Variants in ADCY9 observed in about 807,000 individuals in gnomAD.
ADCY9 encodes the protein adenylate cyclase 9.
ADCY9 carries 50 observed loss-of-function variants against 101.5 expected under a neutral mutation model. The ratio of observed to expected loss-of-function variants is 0.49; its 90% CI spans 0.39 to 0.62. The LOEUF (loss-of-function observed/expected upper bound fraction) is 0.62. ADCY9 is among the 20% of genes least tolerant of loss of function. ADCY9 has a pLI of 0.00. For missense variants in ADCY9, 1,662 were observed against 1,800.4 expected (o/e 0.92, Z 1.39); for synonymous variants, 905 against 769.3 (o/e 1.18, Z -2.92).
downstream of ADCY9, among the ~76,000 whole-genome samples, chr16:3,961,313 G>C (rs1372003996): frequency 6.6e-6 from 1 of 152,042 alleles, no homozygotes; most frequent in Non-Finnish European, 1.5e-5. Flanking sequence ...GCTGGGCATG[G>C]TGTTGCGCAC....
intron 2 of ADCY9, among the ~76,000 whole-genome samples, chr16:4,072,626 A>T (rs2141170765): frequency 6.6e-6 from 1 of 152,352 alleles, no homozygotes; most frequent in South Asian, 2.1e-4. Context: ...GAAAAAAGAA[A>T]ATGCTTGAAG....
intron 2 of ADCY9, among the ~76,000 whole-genome samples, chr16:4,066,093 A>G (rs1371505685): frequency 1.3e-5 from 2 of 152,184 alleles, no homozygotes; most frequent in African/African-American, 2.4e-5. Context: ...ACCGCAGAGG[A>G]GACGGTTCTC....
chr16:4,037,925 G>A (rs2056600295), intron 2 of ADCY9, among the ~76,000 whole-genome samples: 1 of 152,160 alleles, frequency 6.6e-6, no homozygotes, highest in Admixed American at 6.5e-5. Flanking sequence ...ATGTGCTATG[G>A]TCTAAATGTC....
At chr16:4,065,004 G>A (rs2056792619) in intron 2 of ADCY9, among the ~76,000 whole-genome samples, 2 of 152,194 alleles carry the variant, frequency 1.3e-5, no homozygotes, top group African/African-American at 4.8e-5. Flanking sequence ...AGAGGGAGGA[G>A]AAGTGAAAGG....
intron 2 of ADCY9, among the ~76,000 whole-genome samples, chr16:4,061,172 T>C (rs1394687290): frequency 6.7e-6 from 1 of 150,110 alleles, no homozygotes; most frequent in Non-Finnish European, 1.5e-5. Flanking sequence ...GAAGAAGAAA[T>C]AAAAAAGCAT....
intron 2 of ADCY9, among the ~76,000 whole-genome samples, chr16:4,066,085 C>A (rs1021976109): frequency 6.6e-6 from 1 of 152,170 alleles, no homozygotes; most frequent in African/African-American, 2.4e-5. Context: ...GCTTCTTCAC[C>A]GCAGAGGAGA....
chr16:4,107,983 T>G (rs2057088797), intron 2 of ADCY9, among the ~76,000 whole-genome samples: 1 of 152,180 alleles, frequency 6.6e-6, no homozygotes, highest in South Asian at 2.1e-4. Context: ...CCTCCCCAAG[T>G]TGCTCCACAA....
rs368346708 is a variant in ADCY9 at position 3,979,104 on chromosome 16, G to A, written c.2679+12C>T. The A allele has an allele frequency of 9.2e-5, 148 of 1,614,058 alleles. No homozygotes were observed. The highest frequency in any genetic ancestry group is 1.8e-4 in the Admixed American group (11 of 60,008). On this transcript the variant is annotated intron_variant, in intron 8 of 10. Transcript: ENST00000294016. ...GAGAGCGTGGAAATAAAACGGCTGAGCCTTTACTTACGTGTATGTTGGTCT... is the reference window on the plus strand; with the variant it reads ...GAGAGCGTGGAAATAAAACGGCTGAACCTTTACTTACGTGTATGTTGGTCT...
At chr16:3,980,865 C>T (rs753725302) in intron 7 of ADCY9, among the ~76,000 whole-genome samples, 13 of 152,194 alleles carry the variant, frequency 8.5e-5, no homozygotes, top group Non-Finnish European at 1.9e-4. Flanking sequence ...ATGCTGGTCC[C>T]TGAGACTGCA....
chr16:4,085,780 T>C (rs1203169539), intron 2 of ADCY9, among the ~76,000 whole-genome samples: 3 of 151,906 alleles, frequency 2.0e-5, no homozygotes, highest in Non-Finnish European at 4.4e-5. Flanking sequence ...CCAGACTCTC[T>C]AGGGTGGGGC....
rs369874673 is a variant in ADCY9 at position 3,966,804 on chromosome 16, G to C, written c.3033C>G (p.Asp1011Glu). The change falls in exon 11 of 11, where the codon GAC (aspartate) becomes GAG (glutamate). Residue 1011 changes from aspartate (D) to glutamate (E), a missense_variant. Around this residue, in one of 5 missense-constraint regions of ADCY9, gnomAD observed 624 missense variants for 639.1 expected, o/e 0.98. Coordinates refer to ENST00000294016, the MANE Select transcript of ADCY9 (RefSeq NM_001116.4). ...EVSYRLHYHG[D>E]VEADLHRTKI... The stretch of plus-strand genomic sequence containing the variant: ...TGGTGCGGTGAAGATCCGCTTCCAC[G>C]TCTCCGTGGTAGTGGAGGCGGTAGC... 6.2e-7 allele frequency: 1 copy of C among 1,614,078 alleles called. No individual in the cohort carries two copies. The highest frequency in any genetic ancestry group is 1.3e-5 in the African/African-American group (1 of 74,930).
intron 2 of ADCY9, among the ~76,000 whole-genome samples, chr16:4,031,609 C>T (rs1055567685): frequency 2.6e-5 from 4 of 152,134 alleles, no homozygotes; most frequent in African/African-American, 9.7e-5. Context: ...GAAGGCCAGG[C>T]ACAGTAGCTC....
At position 3,993,450 on chromosome 16, in the gene ADCY9, C is replaced by G. The variant is rs1475481446; in HGVS notation, c.1945G>C (p.Ala649Pro). 1 of 1,614,118 alleles carries G rather than the reference C, an allele frequency of 6.2e-7. No individual in the cohort carries two copies. ...PKSEAGAEGG[A>P]PQNGCQDEHK... ...TCGTCTTGGCAGCCGTTTTGAGGTG[C>G]TCCTCCCTCGGCGCCGGCTTCAGAT... The change falls in exon 4 of 11, where the codon GCA (alanine) becomes CCA (proline). Residue 649 changes from alanine (A) to proline (P), a missense_variant. Around this residue, in one of 5 missense-constraint regions of ADCY9, gnomAD observed 624 missense variants for 639.1 expected, o/e 0.98. Coordinates refer to ENST00000294016, the MANE Select transcript of ADCY9 (RefSeq NM_001116.4).
chr16:3,959,005 T>C (rs1319654802), downstream of ADCY9, among the ~76,000 whole-genome samples: 1 of 151,866 alleles, frequency 6.6e-6, no homozygotes, highest in Non-Finnish European at 1.5e-5. Flanking sequence ...GGTTGAACTC[T>C]CCATAAAGCC....
In ADCY9 at chr16:4,052,454, G is replaced by C. The variant is rs182645289; in HGVS notation, c.1694-44896C>G. ...ATTCTCAAATTATTCCGGAAAAAAG[G>C]GATGTGTGTATGTGGAGAGACAGAC... On this transcript the variant is annotated intron_variant, in intron 2 of 10. Transcript: ENST00000294016. Among the ~76,000 whole-genome samples, 28 of 152,290 alleles carry C rather than the reference G, an allele frequency of 1.8e-4. No individual in the cohort carries two copies. In the East Asian group the frequency reaches 5.0e-3, roughly 27 times the overall value.
chr16:4,114,535 T>A lies in ADCY9; in HGVS notation c.908A>T (p.Gln303Leu), dbSNP rs757597955. ...AIGVHLFVMS[Q>L]VRSRSTFLKV... ...GAGGAAGGTGCTCCTGGACCTCACC[T>A]GGGACATGACGAACAGGTGGACCCC... The change falls in exon 2 of 11, where the codon CAG becomes CTG. Residue 303 changes from glutamine (Q) to leucine (L), a missense_variant. By Grantham distance (113) the Gln-to-Leu change is moderately radical. Coordinates refer to ENST00000294016, the MANE Select transcript of ADCY9 (RefSeq NM_001116.4). The surrounding 1 kb of genome is among the most constrained non-coding windows in gnomAD (Gnocchi z 4.3). 6.2e-7 allele frequency: 1 copy of A among 1,614,060 alleles called. No individual in the cohort carries two copies. Among genetic ancestry groups the A allele is most frequent in the African/African-American group, 1.3e-5 (1 of 74,940 alleles).
intron 3 of ADCY9, among the ~76,000 whole-genome samples, chr16:3,996,896 G>A (rs569683902): frequency 2.3e-4 from 35 of 151,832 alleles, no homozygotes; most frequent in South Asian, 4.2e-4. Context: ...ACTGAGTCTC[G>A]CTCTGTCACC....
intron 2 of ADCY9, among the ~76,000 whole-genome samples, chr16:4,090,393 G>A (rs555816487): frequency 4.6e-5 from 7 of 152,072 alleles, no homozygotes; most frequent in African/African-American, 1.7e-4. Context: ...GCTATTTCTT[G>A]TTTTAACAAC....
intron 10 of ADCY9, among the ~76,000 whole-genome samples, chr16:3,971,299 C>T (rs553226565): frequency 1.2e-4 from 18 of 152,302 alleles, no homozygotes; most frequent in African/African-American, 3.6e-4. Flanking sequence ...TTCCTCCAAA[C>T]GTCAACTCAC....
Sources: allele counts gnomAD v4.1 joint callset (sites outside exome capture counted in the v4.1 genomes callset), GRCh38; gene constraint gnomAD v4.1.1; regional missense constraint gnomAD v4.1.1; non-coding constraint Gnocchi (gnomAD v3.1); transcripts MANE v1.5; gene names NCBI Gene and HGNC (gene_info 2026-07-23, HGNC 2026-07-21).